The following PCDHGB2 variants were observed in gnomAD, a reference collection of about 807,000 sequenced individuals.
PCDHGB2 encodes protocadherin gamma subfamily B, 2.
In PCDHGB2, 55 loss-of-function variants were observed where a neutral mutation model predicts 59.3. That is an observed-to-expected ratio of 0.93 (90% CI 0.75 to 1.16). The LOEUF (loss-of-function observed/expected upper bound fraction) is 1.16. Among genes scored for constraint, PCDHGB2 ranks in the 50% most tolerant of loss-of-function variants. PCDHGB2 has a pLI of 0.00. For missense variants in PCDHGB2, 1,228 were observed against 1,198.5 expected, an observed-to-expected ratio of 1.02 and a Z score of -0.36; for synonymous variants, 516 against 512.0, an observed-to-expected ratio of 1.01 and a Z score of -0.11.
At chr5:141,384,407 C>G (rs1198473919) in intron 1 of PCDHGB2, 1 of 1,613,956 alleles carries the variant, frequency 6.2e-7, no homozygotes, top group South Asian at 1.1e-5. Context: ...CCAGTGTCCT[C>G]CTATGTCTCC....
chr5:141,382,887 A>T (rs1778529404), intron 1 of PCDHGB2: 1 of 1,530,424 alleles, frequency 6.5e-7, no homozygotes, highest in Non-Finnish European at 8.8e-7. Context: ...TAAGCAAGAG[A>T]AGCAGGACGA....
At chr5:141,444,138 C>CTTGTGTG (rs2098418688) in intron 1 of PCDHGB2, among the ~76,000 whole-genome samples, 1 of 122,946 alleles carries the variant, frequency 8.1e-6, no homozygotes, top group South Asian at 2.7e-4. Flanking sequence ...ATATGTGTCA[C>CTTGTGTG]TTGTGTGTAC....
intron 1 of PCDHGB2, among the ~76,000 whole-genome samples, chr5:141,467,590 A>T (rs2099146863): frequency 6.6e-6 from 1 of 152,214 alleles, no homozygotes; most frequent in African/African-American, 2.4e-5. Context: ...AATGCCATTT[A>T]TTAAGCACTT....
chr5:141,387,653 A>C (rs981670504), intron 1 of PCDHGB2: 11 of 639,608 alleles, frequency 1.7e-5, no homozygotes, highest in Non-Finnish European at 2.9e-5. Context: ...CAAAGTGGAG[A>C]GCTTGGCGCT....
At chr5:141,414,491 A>T in intron 1 of PCDHGB2, 1 of 1,613,962 alleles carries the variant, frequency 6.2e-7, no homozygotes, top group Non-Finnish European at 8.5e-7. Flanking sequence ...CTATCAACGG[A>T]AGCTCACTTT....
rs781695042 is a variant in PCDHGB2, at chr5:141,394,424, C to T, written c.2421+31868C>T. 6.2e-6 allele frequency: 10 copies of T among 1,614,104 alleles called. No individual in the cohort carries two copies. The African/African-American group carries it at 8.0e-5, about 13-fold the overall frequency. On this transcript the variant is annotated intron_variant, in intron 1 of 3. Transcript: ENST00000522605. The stretch of plus-strand genomic sequence containing the variant: ...AGCTACTGGTAACAGCCAGCGACAG[C>T]GGGGACCCGCCCCTCAGCAGCAACA...
chr5:141,415,843 G>T (rs1022622333), intron 1 of PCDHGB2: 36 of 1,251,418 alleles, frequency 2.9e-5, no homozygotes, highest in Non-Finnish European at 3.6e-5. Flanking sequence ...GATTAGCTTT[G>T]CAGAACCTTG....
In PCDHGB2 at chr5:141,361,620, C is replaced by T. The variant is rs1265757132; in HGVS notation, c.1485C>T (p.Asp495=). ...GQVSYSIVAS[D]LKPREILSYV... The stretch of plus-strand genomic sequence containing the variant: ...TTTCCTACTCCATCGTAGCGAGCGA[C>T]CTGAAGCCGCGGGAGATTTTATCCT... The change falls in exon 1 of 4, where the codon GAC becomes GAT. Residue 495 remains aspartate (D), a synonymous_variant. Transcript: ENST00000522605. 2 of 1,613,974 alleles carry T rather than the reference C, an allele frequency of 1.2e-6. No homozygotes were observed. The highest frequency in any genetic ancestry group is 4.5e-5 in the East Asian group (2 of 44,880).
At chr5:141,403,119 C>T in intron 1 of PCDHGB2, 1 of 1,614,060 alleles carries the variant, frequency 6.2e-7, no homozygotes, top group Non-Finnish European at 8.5e-7. Flanking sequence ...GCTCTGGAGC[C>T]CCGGGAGCTG....
intron 1 of PCDHGB2, chr5:141,366,010 T>C (rs1764260638): frequency 1.2e-6 from 2 of 1,614,114 alleles, no homozygotes; most frequent in Non-Finnish European, 1.7e-6. Flanking sequence ...ACAATACGCC[T>C]GAGATCCTGT....
intron 1 of PCDHGB2, chr5:141,383,159 C>G (rs769758778): frequency 2.6e-5 from 42 of 1,613,986 alleles, no homozygotes; most frequent in Non-Finnish European, 3.5e-5. Flanking sequence ...TTGGTCACTG[C>G]GGGCAGGATA....
At chr5:141,395,004 A>T (rs2093147678) in intron 1 of PCDHGB2, 3 of 1,614,010 alleles carry the variant, frequency 1.9e-6, no homozygotes, top group Non-Finnish European at 2.5e-6. Context: ...TTCCGGTGGC[A>T]GATTGGTAGG....
Position 141,485,931 on chromosome 5 carries a change from A to C in PCDHGB2, c.2422-8876A>C, listed in dbSNP as rs761979804. 3 of 1,614,192 alleles carry C rather than the reference A, an allele frequency of 1.9e-6. No individual in the cohort carries two copies. In the South Asian group the frequency reaches 3.3e-5, roughly 18 times the overall value. On this transcript the variant is annotated intron_variant, in intron 1 of 3. Transcript: ENST00000522605. This position sits in a 1 kb window ranked among gnomAD's most constrained non-coding sequence, Gnocchi z 5.7. Reference sequence around the variant, plus strand: ...TCCAGCTACAGGATTAGTGTGTTGGAGAGCGCACCAGCGGGCATGGTGCTC... The same window carrying C: ...TCCAGCTACAGGATTAGTGTGTTGGCGAGCGCACCAGCGGGCATGGTGCTC...
intron 1 of PCDHGB2, among the ~76,000 whole-genome samples, chr5:141,456,276 C>T (rs1319517390): frequency 1.3e-5 from 2 of 152,146 alleles, no homozygotes; most frequent in South Asian, 4.1e-4. Flanking sequence ...CTACTTCCTG[C>T]TGAAAAGGGG....
At chr5:141,404,022 G>C (rs2094476462) in intron 1 of PCDHGB2, 1 of 1,613,754 alleles carries the variant, frequency 6.2e-7, no homozygotes, top group Admixed American at 1.7e-5. Context: ...AGCCCAGTGA[G>C]AGAAGACGCA....
At position 141,477,055 on chromosome 5, in the gene PCDHGB2, G is replaced by A. The variant is rs531755338; in HGVS notation, c.2422-17752G>A. Reference sequence around the variant, plus strand: ...CAATCAAGGGTCGGCTGGACTTCGAGGACACCAAACTCCATGAGATTTACA... The same window carrying A: ...CAATCAAGGGTCGGCTGGACTTCGAAGACACCAAACTCCATGAGATTTACA... On this transcript the variant is annotated intron_variant, in intron 1 of 3. Transcript: ENST00000522605. This position sits in a 1 kb window ranked among gnomAD's most constrained non-coding sequence, Gnocchi z 4.9. The A allele has an allele frequency of 4.5e-5, 72 of 1,614,242 alleles. 1 individual carries two copies. In the South Asian group the frequency reaches 7.8e-4, roughly 17 times the overall value.
intron 2 of PCDHGB2, among the ~76,000 whole-genome samples, chr5:141,495,507 C>T (rs1380258502): frequency 6.6e-6 from 1 of 152,188 alleles, no homozygotes; most frequent in African/African-American, 2.4e-5. Context: ...TCCGTCTTTG[C>T]CACTTTCTCT....
chr5:141,466,223 T>C (rs1313406487), intron 1 of PCDHGB2, among the ~76,000 whole-genome samples: 1 of 152,096 alleles, frequency 6.6e-6, no homozygotes, highest in African/African-American at 2.4e-5. Context: ...CAGGCTGGAG[T>C]GCAGTGGCAC....
At chr5:141,420,537 T>C (rs1246315357) in intron 1 of PCDHGB2, 2 of 317,450 alleles carry the variant, frequency 6.3e-6, no homozygotes, top group Non-Finnish European at 1.1e-5. Context: ...GTTAAAAATA[T>C]AAAATACAGG....
Sources: gnomAD v4.1 joint callset for allele counts (sites outside exome capture counted in the v4.1 genomes callset) on GRCh38, gnomAD v4.1.1 for gene constraint, Gnocchi (gnomAD v3.1) non-coding constraint, MANE v1.5 for transcripts, NCBI Gene and HGNC (gene_info 2026-07-23, HGNC 2026-07-21) for gene names.